CNTLN: variants seen among roughly 807,000 people sequenced by gnomAD.
CNTLN encodes the protein centlein.
CNTLN carries 212 observed loss-of-function variants against 180.0 expected under a neutral mutation model. That is an observed-to-expected ratio of 1.18 (90% CI 1.05 to 1.32). The LOEUF is 1.32. Among genes scored for constraint, CNTLN ranks in the 40% most tolerant of loss-of-function variants. The pLI, the probability that CNTLN is intolerant of heterozygous loss-of-function variation, is 0.00. For synonymous variants in CNTLN, 722 were observed against 563.1 expected (o/e 1.28, Z -3.99); for missense variants, 2,095 against 1,610.9 (o/e 1.30, Z -5.14).
At chr9:17,396,028 G>T (rs1034055707) in intron 15 of CNTLN, among the ~76,000 whole-genome samples, 20 of 152,286 alleles carry the variant, frequency 1.3e-4, no homozygotes, top group African/African-American at 4.3e-4. Context: ...GTGGCCACAA[G>T]AGTGATCTCT....
At chr9:17,379,582 C>T (rs1447068078) in intron 13 of CNTLN, among the ~76,000 whole-genome samples, 1 of 152,174 alleles carries the variant, frequency 6.6e-6, no homozygotes, top group African/African-American at 2.4e-5. Flanking sequence ...TCAGGGATGA[C>T]ATTGTCTGAT....
chr9:17,487,119 C>G (rs1287162826), intron 25 of CNTLN, 53 bp downstream of exon 25: 1 of 1,222,536 alleles, frequency 8.2e-7, no homozygotes, highest in Non-Finnish European at 1.2e-6. Flanking sequence ...AATTCCAAGC[C>G]TTACATTTTC....
intron 5 of CNTLN, among the ~76,000 whole-genome samples, chr9:17,244,212 GTTTTT>G (rs1825667744): frequency 2.6e-5 from 2 of 76,342 alleles, no homozygotes; most frequent in African/African-American, 1.4e-4. Flanking sequence ...TTAGGTTTTT[GTTTTT>G]GTTTTTTTTT....
At chr9:17,499,236 G>T (rs1412004601) in intron 25 of CNTLN, among the ~76,000 whole-genome samples, 1 of 152,128 alleles carries the variant, frequency 6.6e-6, no homozygotes, top group African/African-American at 2.4e-5. Flanking sequence ...GGTACTATAA[G>T]ATTTTGAAGA....
chr9:17,173,798 G>A (rs931779925), intron 2 of CNTLN, among the ~76,000 whole-genome samples: 6 of 152,150 alleles, frequency 3.9e-5, no homozygotes, highest in African/African-American at 1.4e-4. Flanking sequence ...TGAGATAATT[G>A]TAGATTCACA....
chr9:17,247,692 G>A (rs1455361641), intron 5 of CNTLN, among the ~76,000 whole-genome samples: 2 of 151,758 alleles, frequency 1.3e-5, no homozygotes. Context: ...GATTGCTTGA[G>A]GCTTCTATTT....
Position 17,298,715 on chromosome 9 carries a change from T to G in CNTLN, c.1146+363T>G, listed in dbSNP as rs16935444. On this transcript the variant is annotated intron_variant, in intron 7 of 25. Coordinates refer to ENST00000380647, the MANE Select transcript of CNTLN (RefSeq NM_017738.4). ...ATTATTTTGTCAAGTATGGCAGACTTTCATTGTAAAATTTGTACATTATTT... is the reference window on the plus strand; with the variant it reads ...ATTATTTTGTCAAGTATGGCAGACTGTCATTGTAAAATTTGTACATTATTT... 3.9e-3 allele frequency: 3,862 copies of G among 993,904 alleles called. 131 individuals carry two copies. In the African/African-American group the frequency reaches 0.062, roughly 16 times the overall value. 61.6% of individuals were successfully genotyped at this position (993,904 alleles called of 1,614,324 possible). A position where few individuals can be genotyped will look rare whatever the true frequency, so the allele number is the denominator to read the frequency against.
intron 2 of CNTLN, among the ~76,000 whole-genome samples, chr9:17,174,350 A>G (rs535049388): frequency 9.9e-5 from 15 of 152,214 alleles, no homozygotes; most frequent in Non-Finnish European, 1.8e-4. Flanking sequence ...TCTGGGATAA[A>G]TGGCCAGGAG....
intron 18 of CNTLN, among the ~76,000 whole-genome samples, chr9:17,441,437 C>G (rs537107590): frequency 4.6e-5 from 7 of 151,760 alleles, no homozygotes; most frequent in African/African-American, 1.7e-4. Context: ...GAGAAGTAAA[C>G]GTATGAATAT....
intron 5 of CNTLN, among the ~76,000 whole-genome samples, chr9:17,250,442 T>C (rs1563920926): frequency 6.6e-6 from 1 of 152,074 alleles, no homozygotes. Context: ...TTTCCTCTGT[T>C]ATTGCTTTCC....
At chr9:17,177,887 CT>C (rs1820830868) in intron 2 of CNTLN, among the ~76,000 whole-genome samples, 1 of 152,116 alleles carries the variant, frequency 6.6e-6, no homozygotes, top group Non-Finnish European at 1.5e-5. Flanking sequence ...GGCAGCGGTG[CT>C]TTTATTCTCT....
chr9:17,524,115 A>G, the CNTLN span, among the ~76,000 whole-genome samples: 1 of 152,224 alleles, frequency 6.6e-6, no homozygotes, highest in East Asian at 1.9e-4. Context: ...GTAATTTGAT[A>G]TTTAATCAGA....
intron 12 of CNTLN, among the ~76,000 whole-genome samples, chr9:17,346,252 T>G (rs903502517): frequency 2.0e-5 from 3 of 151,978 alleles, no homozygotes; most frequent in Non-Finnish European, 2.9e-5. Context: ...CACACCAGCA[T>G]GAGATCTCAC....
At chr9:17,298,925 A>G (rs1818144481) in intron 7 of CNTLN, 1 of 985,322 alleles carries the variant, frequency 1.0e-6, no homozygotes, top group Non-Finnish European at 1.2e-6. Context: ...CTCAGCAGCA[A>G]TAATTTAATC....
intron 12 of CNTLN, among the ~76,000 whole-genome samples, chr9:17,363,740 G>C (rs1040637901): frequency 6.6e-6 from 1 of 151,932 alleles, no homozygotes; most frequent in Non-Finnish European, 1.5e-5. Context: ...AGCTCATTCA[G>C]ATATTGCTAT....
At chr9:17,459,146 T>G (rs1831309393) in intron 19 of CNTLN, among the ~76,000 whole-genome samples, 1 of 151,904 alleles carries the variant, frequency 6.6e-6, no homozygotes, top group East Asian at 1.9e-4. Flanking sequence ...TAGTTTTAAG[T>G]TGATTTATAC....
At chr9:17,178,431 G>T (rs79361840) in intron 2 of CNTLN, among the ~76,000 whole-genome samples, 88 of 152,200 alleles carry the variant, frequency 5.8e-4, no homozygotes, top group Non-Finnish European at 1.0e-3. Flanking sequence ...GCCCTTGGGC[G>T]GTAGATGGGA....
intron 11 of CNTLN, among the ~76,000 whole-genome samples, chr9:17,341,866 C>T (rs1270274352): frequency 1.3e-5 from 2 of 152,120 alleles, no homozygotes; most frequent in Non-Finnish European, 2.9e-5. Flanking sequence ...TCTGTTCACC[C>T]AGCTTAACTA....
chr9:17,460,727 T>C (rs1458738338), intron 19 of CNTLN, among the ~76,000 whole-genome samples: 1 of 151,806 alleles, frequency 6.6e-6, no homozygotes, highest in African/African-American at 2.4e-5. Context: ...TTCAGCCACA[T>C]AATACAGCCT....
Sources: gnomAD v4.1 joint callset for allele counts (sites outside exome capture counted in the v4.1 genomes callset) on GRCh38, gnomAD v4.1.1 for gene constraint, MANE v1.5 for transcripts, NCBI Gene and HGNC (gene_info 2026-07-23, HGNC 2026-07-21) for gene names.